Variants in ZNF577 observed in about 807,000 individuals in gnomAD.
ZNF577 encodes the protein zinc finger protein 577.
In ZNF577, 14 loss-of-function variants were observed where a neutral mutation model predicts 13.9. That is an observed-to-expected ratio of 1.00 (90% CI 0.66 to 1.57). The LOEUF (loss-of-function observed/expected upper bound fraction) is 1.57. ZNF577 is among the 40% of genes most tolerant of loss of function. ZNF577 has a pLI of 0.00. For synonymous variants in ZNF577, 203 were observed against 202.9 expected (o/e 1.00, Z 0.00); for missense variants, 555 against 579.2 (o/e 0.96, Z 0.43).
intron 8 of ZNF577, among the ~76,000 whole-genome samples, chr19:51,841,165 C>T (rs1176534794): frequency 6.6e-6 from 1 of 152,206 alleles, no homozygotes; most frequent in African/African-American, 2.4e-5. Context: ...GTGCAAGGAA[C>T]ACCACTTTCC....
rs2084673974 is a variant in ZNF577, at chr19:51,872,480, T to C, written c.*52A>G. 3 of 1,416,150 alleles carry C rather than the reference T, an allele frequency of 2.1e-6. No individual in the cohort carries two copies. Among genetic ancestry groups the C allele is most frequent in the Middle Eastern group, 2.4e-4 (1 of 4,192 alleles). 87.7% of individuals were successfully genotyped at this position (1,416,150 alleles called of 1,614,324 possible). A position where few individuals can be genotyped will look rare whatever the true frequency, so the allele number is the denominator to read the frequency against. ...CCTAAATGAGCTCTCTGGGATATAA[T>C]GGCTGGAGGATTCCTACTAAAGATT... On this transcript the variant is annotated 3_prime_UTR_variant, in exon 6 of 6. Transcript: ENST00000638348.
chr19:51,838,369 C>T (rs1353264752), intron 9 of ZNF577, among the ~76,000 whole-genome samples: 3 of 148,838 alleles, frequency 2.0e-5, no homozygotes, highest in African/African-American at 7.4e-5. Flanking sequence ...CTGTCATTAG[C>T]ATATTATCAA....
intron 5 of ZNF577, among the ~76,000 whole-genome samples, chr19:51,850,317 A>G (rs189661961): frequency 3.3e-4 from 51 of 152,360 alleles, no homozygotes; most frequent in Admixed American, 6.5e-4. Context: ...TGTGCAGACT[A>G]TGGTCACCCA....
At chr19:51,837,033 G>A in intron 9 of ZNF577, among the ~76,000 whole-genome samples, 1 of 129,480 alleles carries the variant, frequency 7.7e-6, no homozygotes, top group Admixed American at 9.3e-5. Context: ...GACAGAGTGA[G>A]ACTCTGTCTC....
chr19:51,858,131 C>T (rs2084457780), intron 5 of ZNF577, among the ~76,000 whole-genome samples: 1 of 152,228 alleles, frequency 6.6e-6, no homozygotes, highest in Admixed American at 6.5e-5. Context: ...GGTCCTCAAT[C>T]TATATTCAGC....
chr19:51,875,023 T>C lies in ZNF577; in HGVS notation c.284-1317A>G, dbSNP rs537958126. 5.3e-5 allele frequency among the ~76,000 whole-genome samples: 8 copies of C among 151,894 alleles called. No homozygotes were observed. The East Asian group carries it at 1.4e-3, about 26-fold the overall frequency. On this transcript the variant is annotated intron_variant, in intron 5 of 5. Transcript: ENST00000638348. ...CCAGTAAAACACACACACAAAACAATATATGACCATTACTAAGTTAGTGCA... is the reference window on the plus strand; with the variant it reads ...CCAGTAAAACACACACACAAAACAACATATGACCATTACTAAGTTAGTGCA...
chr19:51,828,705 T>C (rs770788801), intron 9 of ZNF577, among the ~76,000 whole-genome samples: 1 of 152,220 alleles, frequency 6.6e-6, no homozygotes, highest in African/African-American at 2.4e-5. Flanking sequence ...TGTATGTCCA[T>C]GTGGATGGCT....
At chr19:51,850,309 T>A (rs1210937659) in intron 5 of ZNF577, among the ~76,000 whole-genome samples, 2 of 152,256 alleles carry the variant, frequency 1.3e-5, no homozygotes, top group African/African-American at 4.8e-5. Context: ...ACTCCACCTG[T>A]GCAGACTATG....
At position 51,869,573 on chromosome 19, in the gene ZNF577, A is replaced by G. The variant is rs1568446022; in HGVS notation, c.*2959T>C. Among the ~76,000 whole-genome samples, 1 of 151,974 alleles carries G rather than the reference A, an allele frequency of 6.6e-6. No individual in the cohort carries two copies. Among genetic ancestry groups the G allele is most frequent in the African/African-American group, 2.4e-5 (1 of 41,378 alleles). On this transcript the variant is annotated 3_prime_UTR_variant, in exon 6 of 6. Coordinates refer to ENST00000638348, the MANE Select transcript of ZNF577 (RefSeq NM_001370449.1). Reference sequence around the variant, plus strand: ...GGTGCGGGTCCTCCATATGCTGAGCACCGGTCCCCTGGGGCCACTGTTCTT... The same window carrying G: ...GGTGCGGGTCCTCCATATGCTGAGCGCCGGTCCCCTGGGGCCACTGTTCTT...
At position 51,878,683 on chromosome 19, in the gene ZNF577, C is replaced by T. The variant is rs931965138; in HGVS notation, c.61-168G>A. 9 of 685,068 alleles carry T rather than the reference C, an allele frequency of 1.3e-5. No homozygotes were observed. The Admixed American group carries it at 1.5e-4, about 11-fold the overall frequency. 42.4% of individuals were successfully genotyped at this position (685,068 alleles called of 1,614,324 possible). On this transcript the variant is annotated intron_variant, in intron 3 of 5. Transcript: ENST00000638348. ...CCACCAATTCTGCCTACCCTAAAAG[C>T]ACGAAGGCAGTACTAGCATAGATAT... is the stretch of plus-strand genomic sequence containing the variant.
chr19:51,838,665 TTAAA>T (rs1203410652), intron 9 of ZNF577, among the ~76,000 whole-genome samples: 2 of 149,614 alleles, frequency 1.3e-5, no homozygotes, highest in Non-Finnish European at 3.0e-5. Context: ...ATTTAAAAGT[TTAAA>T]TATGCGTTTA....
chr19:51,826,095 T>TA (rs1324448779), intron 9 of ZNF577: 1 of 156,568 alleles, frequency 6.4e-6, no homozygotes, highest in Non-Finnish European at 1.5e-5. Flanking sequence ...GTGATCATAT[T>TA]ATTTTTATTC....
chr19:51,834,112 G>A (rs900090086), intron 9 of ZNF577, among the ~76,000 whole-genome samples: 4 of 151,954 alleles, frequency 2.6e-5, no homozygotes, highest in South Asian at 4.1e-4. Context: ...TGGAGTAGGG[G>A]CAGGGTCTTG....
intron 9 of ZNF577, among the ~76,000 whole-genome samples, chr19:51,821,558 G>T (rs1447420038): frequency 6.6e-6 from 1 of 152,096 alleles, no homozygotes; most frequent in Non-Finnish European, 1.5e-5. Flanking sequence ...TCCCATGAAA[G>T]ACCTCAGTGA....
chr19:51,854,271 G>A (rs536061173), intron 5 of ZNF577, among the ~76,000 whole-genome samples: 2 of 151,846 alleles, frequency 1.3e-5, no homozygotes, highest in African/African-American at 4.8e-5. Flanking sequence ...GAAGGACCAG[G>A]TTTCTGTTTA....
chr19:51,807,671 T>G (rs2122432574), intron 10 of ZNF577, among the ~76,000 whole-genome samples: 1 of 152,308 alleles, frequency 6.6e-6, no homozygotes, highest in Admixed American at 6.5e-5. Flanking sequence ...TTGTGATGAG[T>G]AATCACAGGA....
intron 9 of ZNF577, among the ~76,000 whole-genome samples, chr19:51,822,038 T>C (rs2084193800): frequency 6.6e-6 from 1 of 152,214 alleles, no homozygotes; most frequent in South Asian, 2.1e-4. Flanking sequence ...ACCTTGGATG[T>C]TTCTGATACA....
At chr19:51,853,548 G>T (rs531118927) in intron 5 of ZNF577, among the ~76,000 whole-genome samples, 11 of 152,226 alleles carry the variant, frequency 7.2e-5, no homozygotes, top group Admixed American at 5.9e-4. Context: ...TGGTCAATTG[G>T]ACCAATCTAG....
Position 51,868,914 on chromosome 19 carries a change from C to T in ZNF577, c.*3618G>A, listed in dbSNP as rs959767548. ...TAGATTTAGGGCTGTGCAGGATGTG[C>T]TTTGTTAAAATGTGTTTGCAGGCAG... On this transcript the variant is annotated 3_prime_UTR_variant, in exon 6 of 6. Transcript: ENST00000638348. Among the ~76,000 whole-genome samples the T allele has an allele frequency of 6.6e-6, 1 of 152,174 alleles. No homozygotes were observed. Among genetic ancestry groups the T allele is most frequent in the Non-Finnish European group, 1.5e-5 (1 of 68,040 alleles).
Sources: allele counts gnomAD v4.1 joint callset (sites outside exome capture counted in the v4.1 genomes callset), GRCh38; gene constraint gnomAD v4.1.1; transcripts MANE v1.5; gene names NCBI Gene and HGNC (gene_info 2026-07-23, HGNC 2026-07-21).